The following PVT1 variants were observed in gnomAD, a reference collection of about 807,000 sequenced individuals.
PVT1 encodes Pvt1 oncogene, also known as CXCR4/PVT1 fusion.
chr8:127,842,787 G>A (rs1814987592), intron 2 of PVT1, among the ~76,000 whole-genome samples: 1 of 152,194 alleles, frequency 6.6e-6, no homozygotes, highest in Non-Finnish European at 1.5e-5. Context: ...TCAAGAGATA[G>A]CATCTGAGTG....
intron 3 of PVT1, among the ~76,000 whole-genome samples, chr8:127,943,450 G>T (rs867205608): frequency 2.0e-5 from 3 of 152,320 alleles, no homozygotes; most frequent in South Asian, 2.1e-4. Flanking sequence ...AAATTGCAAA[G>T]ACATAGGTAG....
At chr8:128,027,534 C>T (rs929108781) in intron 4 of PVT1, among the ~76,000 whole-genome samples, 18 of 152,198 alleles carry the variant, frequency 1.2e-4, no homozygotes, top group African/African-American at 4.3e-4. Context: ...GGGGATGAAG[C>T]CATAGGCTTT....
chr8:127,914,489 T>C (rs1176509419), intron 3 of PVT1, among the ~76,000 whole-genome samples: 1 of 152,056 alleles, frequency 6.6e-6, no homozygotes. Context: ...TGAAGGCGTA[T>C]GTCCACAAAA....
intron 2 of PVT1, among the ~76,000 whole-genome samples, chr8:127,847,245 TTG>T (rs2129726594): frequency 9.0e-6 from 1 of 111,510 alleles, no homozygotes; most frequent in East Asian, 2.5e-4. Flanking sequence ...AAATGACACT[TTG>T]ATAAGTTGCT....
In PVT1 at chr8:127,892,510, C is replaced by T. The variant is rs992919463; in HGVS notation, n.782+1512C>T. The stretch of plus-strand genomic sequence containing the variant: ...TATATGACTTAGCCCAGCAATCCCA[C>T]TAGGAGAGCAATGGTTTATCCATTA... On this transcript the variant is annotated intron_variant and non_coding_transcript_variant, in intron 3 of 10. Coordinates refer to ENST00000651587, the Ensembl canonical transcript of PVT1. 2.0e-5 allele frequency among the ~76,000 whole-genome samples: 3 copies of T among 152,294 alleles called. No homozygotes were observed. The East Asian group carries it at 5.8e-4, about 29-fold the overall frequency.
At chr8:128,000,762 A>C (rs1007746607) in intron 4 of PVT1, among the ~76,000 whole-genome samples, 4 of 152,070 alleles carry the variant, frequency 2.6e-5, no homozygotes, top group Non-Finnish European at 5.9e-5. Flanking sequence ...TTTATTCCAT[A>C]CTTGGAACCA....
chr8:127,881,434 T>A (rs1479481632), intron 2 of PVT1, among the ~76,000 whole-genome samples: 7 of 126,046 alleles, frequency 5.6e-5, no homozygotes, highest in East Asian at 2.7e-4. Context: ...TTATTGTTAT[T>A]ATATTATTAT....
intron 3 of PVT1, among the ~76,000 whole-genome samples, chr8:127,988,639 AG>A (rs370975145): frequency 2.6e-5 from 4 of 152,362 alleles, no homozygotes; most frequent in Non-Finnish European, 5.9e-5. Flanking sequence ...ACATGTTACT[AG>A]ATGACAGTGT....
chr8:127,910,961 A>G (rs564742174), intron 3 of PVT1, among the ~76,000 whole-genome samples: 1 of 152,022 alleles, frequency 6.6e-6, no homozygotes, highest in African/African-American at 2.4e-5. Context: ...AGAGCAATAG[A>G]AATCATTATA....
At chr8:127,997,854 T>G (rs541194562) in intron 4 of PVT1, among the ~76,000 whole-genome samples, 13 of 152,334 alleles carry the variant, frequency 8.5e-5, no homozygotes, top group African/African-American at 3.1e-4. Context: ...GATCATGTCT[T>G]CTTAGATTGC....
intron 2 of PVT1, among the ~76,000 whole-genome samples, chr8:127,886,986 A>C (rs1306783852): frequency 6.6e-6 from 1 of 152,186 alleles, no homozygotes; most frequent in Non-Finnish European, 1.5e-5. Flanking sequence ...TTAATTCAGT[A>C]ATCTAAGACT....
chr8:127,914,259 G>GA (rs1815950056), intron 3 of PVT1, among the ~76,000 whole-genome samples: 1 of 28,266 alleles, frequency 3.5e-5, no homozygotes, highest in African/African-American at 1.0e-4. Flanking sequence ...ACCACCAACA[G>GA]CAAAAAAAAA....
chr8:127,989,763 G>T (rs1485815361), intron 4 of PVT1, among the ~76,000 whole-genome samples: 1 of 152,108 alleles, frequency 6.6e-6, no homozygotes, highest in African/African-American at 2.4e-5. Context: ...CCACACTAAG[G>T]CTGAGGGTGC....
chr8:127,874,903 GGTGTGTGTGTGTGTGTGT>G (rs112419227), intron 2 of PVT1, among the ~76,000 whole-genome samples: 2 of 145,706 alleles, frequency 1.4e-5, no homozygotes, highest in East Asian at 2.0e-4. Flanking sequence ...TTGGCCTCCA[GGTGTGTGTGTGTGTGTGT>G]GTGTGTGTGT....
intron 2 of PVT1, among the ~76,000 whole-genome samples, chr8:127,885,957 T>A (rs1815517586): frequency 6.6e-6 from 1 of 152,118 alleles, no homozygotes; most frequent in Non-Finnish European, 1.5e-5. Flanking sequence ...GAAGGCCAGA[T>A]GCAGTGGCTA....
At chr8:127,979,423 A>G (rs1816859113) in intron 3 of PVT1, among the ~76,000 whole-genome samples, 1 of 152,144 alleles carries the variant, frequency 6.6e-6, no homozygotes, top group African/African-American at 2.4e-5. Flanking sequence ...TGGAACCTTC[A>G]TCTTGGTGAC....
intron 4 of PVT1, among the ~76,000 whole-genome samples, chr8:128,056,803 A>T (rs1586501061): frequency 2.6e-5 from 4 of 152,318 alleles, no homozygotes; most frequent in Non-Finnish European, 5.9e-5. Flanking sequence ...GGTGATTCTG[A>T]TAGAAACGTC....
At chr8:127,994,747 C>G (rs1006148933) in intron 4 of PVT1, among the ~76,000 whole-genome samples, 10 of 152,212 alleles carry the variant, frequency 6.6e-5, no homozygotes, top group African/African-American at 1.2e-4. Flanking sequence ...GCTGGAGAAC[C>G]TGTAGTGTAG....
intron 2 of PVT1, among the ~76,000 whole-genome samples, chr8:127,874,888 CTTGG>C (rs1433447884): frequency 6.7e-6 from 1 of 150,094 alleles, no homozygotes; most frequent in East Asian, 1.9e-4. Flanking sequence ...GCTCTGCAGT[CTTGG>C]TTGGCCTCCA....
Sources: allele counts gnomAD v4.1 joint callset (sites outside exome capture counted in the v4.1 genomes callset), GRCh38; gene constraint gnomAD v4.1.1; transcripts MANE v1.5; gene names NCBI Gene and HGNC (gene_info 2026-07-23, HGNC 2026-07-21).